Variants in ZC3H6 observed in about 807,000 individuals in gnomAD.
The protein encoded by ZC3H6 is zinc finger CCCH domain-containing protein 6.
In ZC3H6, 40 loss-of-function variants were observed where a neutral mutation model predicts 107.7. The ratio of observed to expected loss-of-function variants is 0.37; its 90% CI spans 0.29 to 0.48. ZC3H6 has a LOEUF of 0.48. ZC3H6 is among the 20% of genes least tolerant of loss of function. ZC3H6 has a pLI of 0.98. For missense variants in ZC3H6, 1,267 were observed against 1,410.4 expected (o/e 0.90, Z 1.63); for synonymous variants, 493 against 487.9 (o/e 1.01, Z -0.14).
intron 5 of ZC3H6, among the ~76,000 whole-genome samples, chr2:112,313,310 G>A (rs1299201348): frequency 6.6e-6 from 1 of 152,100 alleles, no homozygotes; most frequent in Non-Finnish European, 1.5e-5. Context: ...AAACCTGCCT[G>A]TCATCTTCTT....
At chr2:112,285,610 A>G (rs1403097645) in intron 1 of ZC3H6, among the ~76,000 whole-genome samples, 2 of 151,294 alleles carry the variant, frequency 1.3e-5, no homozygotes, top group South Asian at 4.2e-4. Context: ...TGCTGGCCTC[A>G]GTCTTCCAAA....
rs1204699689 is a variant in ZC3H6, at chr2:112,334,247, G to A, written c.*1759G>A. On this transcript the variant is annotated 3_prime_UTR_variant, in exon 12 of 12. Coordinates refer to ENST00000409871, the MANE Select transcript of ZC3H6 (RefSeq NM_198581.3). ...GTCAATAAAATGGATTAAACTGACA[G>A]AAAAAAAACATATATATATATCCCA... 1.3e-5 allele frequency: 2 copies of A among 151,552 alleles called. No homozygotes were observed. The highest frequency in any genetic ancestry group is 4.8e-5 in the African/African-American group (2 of 41,300). The allele number at this position is 151,552 out of a possible 1,614,324, so 9.4% of individuals were successfully genotyped here.
rs766876114 is a variant in ZC3H6, at chr2:112,331,747, A to G, written c.2829A>G (p.Arg943=). The change falls in exon 12 of 12, where the codon AGA becomes AGG. Residue 943 remains arginine, a synonymous_variant. Transcript: ENST00000409871. ...AAKAKINTTN[R]EGYLEQFGDS... The stretch of plus-strand genomic sequence containing the variant: ...AAGCCAAAATTAACACAACAAACAG[A>G]GAAGGCTACCTAGAACAATTTGGAG... 6.2e-7 allele frequency: 1 copy of G among 1,613,810 alleles called. No individual in the cohort carries two copies. The highest frequency in any genetic ancestry group is 8.5e-7 in the Non-Finnish European group (1 of 1,179,854).
intron 11 of ZC3H6, 127 bp downstream of exon 11, chr2:112,325,324 T>C: frequency 3.5e-6 from 3 of 855,094 alleles, no homozygotes; most frequent in Non-Finnish European, 5.5e-6. Flanking sequence ...TGAAACCCCA[T>C]CTCTACTAAA....
intron 11 of ZC3H6, among the ~76,000 whole-genome samples, chr2:112,327,275 ATGT>A (rs1676921873): frequency 6.6e-6 from 1 of 152,026 alleles, no homozygotes; most frequent in Non-Finnish European, 1.5e-5. Context: ...ATGATGAGTG[ATGT>A]TGTGCACCTT....
chr2:112,287,395 AGTCT>A (rs1223968347), intron 1 of ZC3H6, among the ~76,000 whole-genome samples: 3 of 152,226 alleles, frequency 2.0e-5, no homozygotes, highest in Non-Finnish European at 4.4e-5. Flanking sequence ...TTCATGCAAT[AGTCT>A]GTCTCTGCTT....
At chr2:112,289,604 C>T (rs1201392770) in intron 1 of ZC3H6, among the ~76,000 whole-genome samples, 9 of 152,264 alleles carry the variant, frequency 5.9e-5, no homozygotes, top group East Asian at 1.9e-4. Context: ...GGATTACAGG[C>T]GTGAGCCACC....
rs370000326 is a variant in ZC3H6, at chr2:112,283,748, C to T, written c.32+7722C>T. 4.6e-5 allele frequency among the ~76,000 whole-genome samples: 7 copies of T among 152,278 alleles called. No individual in the cohort carries two copies. The South Asian group carries it at 1.0e-3, about 23-fold the overall frequency. On this transcript the variant is annotated intron_variant, in intron 1 of 11. Transcript: ENST00000409871. ...GCCTATCTGTGGCATTCAGTCTCAGCCATCTTTCCCTTGCTTCATAAGGAT... is the reference window on the plus strand; with the variant it reads ...GCCTATCTGTGGCATTCAGTCTCAGTCATCTTTCCCTTGCTTCATAAGGAT...
rs1265846346 is a variant in ZC3H6, at chr2:112,275,664, CT to C, written c.-330del. The C allele has an allele frequency of 4.9e-6, 2 of 405,278 alleles. No individual in the cohort carries two copies. Among genetic ancestry groups the C allele is most frequent in the African/African-American group, 2.1e-5 (1 of 48,634 alleles). The allele number at this position is 405,278 out of a possible 1,614,324, so 25.1% of individuals were successfully genotyped here. ...TGAGGAGAAATCACCGTTACGGCCACTGTCCAAATCCCCGCGTCGCTGCACG... is the reference window on the plus strand; with the variant it reads ...TGAGGAGAAATCACCGTTACGGCCACGTCCAAATCCCCGCGTCGCTGCACG... On this transcript the variant is annotated 5_prime_UTR_variant, in exon 1 of 12. An upstream open reading frame in the 5' UTR loses its in-frame stop. Coordinates refer to ENST00000409871, the MANE Select transcript of ZC3H6 (RefSeq NM_198581.3).
chr2:112,283,103 G>A (rs1224081332), intron 1 of ZC3H6, among the ~76,000 whole-genome samples: 2 of 152,036 alleles, frequency 1.3e-5, no homozygotes, highest in East Asian at 1.9e-4. Context: ...TCTGGTTTAT[G>A]TTTTAGTTTG....
In ZC3H6 at chr2:112,332,299, A is replaced by C. The variant is rs1404059634; in HGVS notation, c.3381A>C (p.Pro1127=). ...GGAGTTCTGGTAAGGTTCAGGTCCC[A>C]GCAGTGCACAGCCTTCCTGTTCAGG... ...VPRSSGKVQV[P]AVHSLPVQAL... Residue 1127 remains proline (P), a synonymous_variant, in exon 12 of 12, where the codon CCA becomes CCC. Coordinates refer to ENST00000409871, the MANE Select transcript of ZC3H6 (RefSeq NM_198581.3). The C allele has an allele frequency of 1.2e-6, 2 of 1,613,964 alleles. No homozygotes were observed. Among genetic ancestry groups the C allele is most frequent in the Non-Finnish European group, 1.7e-6 (2 of 1,179,874 alleles).
chr2:112,335,664 T>G lies in ZC3H6; in HGVS notation c.*3176T>G, dbSNP rs567296719. ...CATAATCATTATGCTCCCATTAGGG[T>G]GCATTAAGTTGTACAAATTCCAAAA... On this transcript the variant is annotated 3_prime_UTR_variant, in exon 12 of 12. Coordinates refer to ENST00000409871, the MANE Select transcript of ZC3H6 (RefSeq NM_198581.3). 9.2e-5 allele frequency: 14 copies of G among 152,238 alleles called. No individual in the cohort carries two copies. The East Asian group carries it at 2.7e-3, about 29-fold the overall frequency. 9.4% of individuals were successfully genotyped at this position (152,238 alleles called of 1,614,324 possible).
chr2:112,332,467 A>C lies in ZC3H6; in HGVS notation c.3549A>C (p.Pro1183=). The C allele has an allele frequency of 6.2e-7, 1 of 1,609,296 alleles. No homozygotes were observed. The highest frequency in any genetic ancestry group is 8.5e-7 in the Non-Finnish European group (1 of 1,178,276). The change falls in exon 12 of 12, where the codon CCA becomes CCC. Residue 1183 remains proline, a synonymous_variant. Transcript: ENST00000409871. The stretch of plus-strand genomic sequence containing the variant: ...AAGAGGTTTTTAAAACTTTTGATCC[A>C]ACTGCTTCACCATTTTGTTAGCTAT... ...SLKEVFKTFD[P]TASPFC
At chr2:112,291,133 G>T (rs950494758) in intron 1 of ZC3H6, among the ~76,000 whole-genome samples, 29 of 152,214 alleles carry the variant, frequency 1.9e-4, no homozygotes, top group Non-Finnish European at 1.2e-4. Context: ...GGGGTTTCTG[G>T]CATACCCTGT....
chr2:112,296,526 T>C (rs1243676796), intron 1 of ZC3H6, among the ~76,000 whole-genome samples: 1 of 152,190 alleles, frequency 6.6e-6, no homozygotes, highest in Non-Finnish European at 1.5e-5. Flanking sequence ...TGTGCACTCA[T>C]TTTCTCGGAT....
chr2:112,322,158 C>T (rs1008057416), intron 8 of ZC3H6, among the ~76,000 whole-genome samples: 4 of 149,030 alleles, frequency 2.7e-5, no homozygotes, highest in Middle Eastern at 3.4e-3. Context: ...CTTCCTCCCT[C>T]CCTCCCTCTT....
intron 1 of ZC3H6, among the ~76,000 whole-genome samples, chr2:112,288,988 GC>G (rs1676021174): frequency 1.2e-5 from 1 of 80,808 alleles, no homozygotes; most frequent in South Asian, 4.6e-4. Context: ...TCTTCTCACT[GC>G]CCACCCCCCC....
At chr2:112,289,671 G>A (rs1414074176) in intron 1 of ZC3H6, among the ~76,000 whole-genome samples, 1 of 152,198 alleles carries the variant, frequency 6.6e-6, no homozygotes, top group Admixed American at 6.6e-5. Flanking sequence ...ATGAAATAGG[G>A]TGACCCATTT....
At position 112,339,291 on chromosome 2, in the gene ZC3H6, A is replaced by G. The variant is rs1293629217; in HGVS notation, c.*6803A>G. On this transcript the variant is annotated 3_prime_UTR_variant, in exon 12 of 12. Coordinates refer to ENST00000409871, the MANE Select transcript of ZC3H6 (RefSeq NM_198581.3). ...GTTTGAGTCCACCTGTATTTTACAG[A>G]AATTTGCCCTCAAATGTTTGAGAGG... The G allele has an allele frequency of 2.0e-5, 3 of 152,220 alleles. No homozygotes were observed. The highest frequency in any genetic ancestry group is 4.4e-5 in the Non-Finnish European group (3 of 68,042). The allele number at this position is 152,220 out of a possible 1,614,324, so 9.4% of individuals were successfully genotyped here.
Sources: gnomAD v4.1 joint callset for allele counts (sites outside exome capture counted in the v4.1 genomes callset) on GRCh38, gnomAD v4.1.1 for gene constraint, MANE v1.5 for transcripts, NCBI Gene and HGNC (gene_info 2026-07-23, HGNC 2026-07-21) for gene names.